Variants in P2RX3 observed in about 807,000 individuals in gnomAD.
P2RX3 encodes purinergic receptor P2X 3, also known as P2X purinoceptor 3.
In P2RX3, 41 loss-of-function variants were observed where a neutral mutation model predicts 51.5. The ratio of observed to expected loss-of-function variants is 0.80; its 90% CI spans 0.62 to 1.03. P2RX3 has a LOEUF of 1.03. P2RX3 is among the 50% of genes least tolerant of loss of function. The pLI, the probability that P2RX3 is intolerant of heterozygous loss-of-function variation, is 0.00. For synonymous variants in P2RX3, 185 were observed against 191.6 expected (o/e 0.97, Z 0.29); for missense variants, 459 against 522.1 (o/e 0.88, Z 1.18).
intron 8 of P2RX3, 138 bp downstream of exon 8, chr11:57,351,036 G>A: frequency 1.6e-6 from 2 of 1,267,250 alleles, no homozygotes; most frequent in Non-Finnish European, 2.2e-6. Context: ...TTCAAATCAG[G>A]AAGGACTCTC....
Position 57,349,826 on chromosome 11 carries a change from T to C in P2RX3, c.633T>C (p.Pro211=). 1.2e-6 allele frequency: 2 copies of C among 1,614,226 alleles called. No individual in the cohort carries two copies. Among genetic ancestry groups the C allele is most frequent in the Non-Finnish European group, 1.7e-6 (2 of 1,180,036 alleles). Residue 211 remains proline (P), a synonymous_variant, in exon 7 of 12, where the codon CCT becomes CCC. Transcript: ENST00000263314. ...GCCGCTTCCACCCGGACAAGGACCCTTTCTGCCCCATCTTGCGGGTAGGGG... is the reference window on the plus strand; with the variant it reads ...GCCGCTTCCACCCGGACAAGGACCCCTTCTGCCCCATCTTGCGGGTAGGGG... ...KTCRFHPDKD[P]FCPILRVGDV...
At chr11:57,365,887 T>C (rs1856789967) in intron 8 of P2RX3, among the ~76,000 whole-genome samples, 1 of 152,202 alleles carries the variant, frequency 6.6e-6, no homozygotes, top group Non-Finnish European at 1.5e-5. Context: ...CATTTCCTTC[T>C]CTCTGTTGTA....
intron 1 of P2RX3, among the ~76,000 whole-genome samples, chr11:57,345,527 C>T (rs966930010): frequency 7.9e-5 from 12 of 152,098 alleles, no homozygotes; most frequent in Admixed American, 1.3e-4. Context: ...ATCTACCTCC[C>T]AGTGTGCCAT....
At chr11:57,350,514 C>T (rs545805221) in intron 7 of P2RX3, 1 of 429,918 alleles carries the variant, frequency 2.3e-6, no homozygotes, top group Admixed American at 3.6e-5. Flanking sequence ...GATCTCCTGA[C>T]CTCGTGATCC....
intron 8 of P2RX3, among the ~76,000 whole-genome samples, chr11:57,356,346 G>A (rs1051505947): frequency 6.6e-6 from 1 of 152,196 alleles, no homozygotes; most frequent in African/African-American, 2.4e-5. Context: ...TGTGATTGAC[G>A]GGAGAGAATC....
At chr11:57,337,350 G>GAAAAAAAA (rs11339711), upstream of P2RX3, among the ~76,000 whole-genome samples, 33 of 73,452 alleles carry the variant, frequency 4.5e-4, no homozygotes, top group Non-Finnish European at 6.4e-4. Flanking sequence ...AGGAAAGAAA[G>GAAAAAAAA]AAAAAAAAAA....
At chr11:57,367,954 C>T (rs916396092) in intron 8 of P2RX3, 55 bp from the exon 9 acceptor site, 1 of 1,426,954 alleles carries the variant, frequency 7.0e-7, no homozygotes, top group African/African-American at 1.4e-5. Flanking sequence ...CCAGAAGGTT[C>T]AGGCAGGAGA....
rs750505910 is a variant in P2RX3, at chr11:57,338,503, G to T, written c.-48G>T. 1.4e-6 allele frequency: 2 copies of T among 1,400,720 alleles called. No homozygotes were observed. The highest frequency in any genetic ancestry group is 2.5e-5 in the South Asian group (2 of 79,490). 86.8% of individuals were successfully genotyped at this position (1,400,720 alleles called of 1,614,324 possible). ...GTCCTGTAGGACCTCCCTCTCCTGAGGCCACCACTGGGCCCCCTTCTGAGT... is the reference window on the plus strand; with the variant it reads ...GTCCTGTAGGACCTCCCTCTCCTGATGCCACCACTGGGCCCCCTTCTGAGT... On this transcript the variant is annotated 5_prime_UTR_variant, in exon 1 of 12. It adds an upstream start codon to the 5' untranslated region. Transcript: ENST00000263314.
chr11:57,347,565 C>T, intron 4 of P2RX3, 87 bp downstream of exon 4: 1 of 1,361,764 alleles, frequency 7.3e-7, no homozygotes, highest in East Asian at 2.5e-5. Flanking sequence ...GGAGTGGGAA[C>T]CAGCCTGTTC....
At chr11:57,355,812 T>C (rs564422354) in intron 8 of P2RX3, among the ~76,000 whole-genome samples, 1 of 152,344 alleles carries the variant, frequency 6.6e-6, no homozygotes, top group African/African-American at 2.4e-5. Context: ...TTTCCAGTTC[T>C]TATTCTATGC....
intron 7 of P2RX3, among the ~76,000 whole-genome samples, chr11:57,350,150 AC>A (rs1856518014): frequency 6.7e-6 from 1 of 150,304 alleles, no homozygotes; most frequent in Non-Finnish European, 1.5e-5. Flanking sequence ...TTCACACTTC[AC>A]CTCAGGCAAA....
chr11:57,358,181 T>C lies in P2RX3; in HGVS notation c.842+7283T>C, dbSNP rs114985298. Among the ~76,000 whole-genome samples the C allele has an allele frequency of 2.7e-3, 416 of 152,330 alleles. 1 individual carries two copies. Among genetic ancestry groups the C allele is most frequent in the African/African-American group, 9.2e-3 (382 of 41,576 alleles). On this transcript the variant is annotated intron_variant, in intron 8 of 11. Coordinates refer to ENST00000263314, the MANE Select transcript of P2RX3 (RefSeq NM_002559.5). ...CAAATGTCAGCTCAGCATGGGGAAG[T>C]ACTTCTAACAGTTAGAGCTATCCAA... is the stretch of plus-strand genomic sequence containing the variant.
At chr11:57,363,728 C>A (rs1202400253) in intron 8 of P2RX3, among the ~76,000 whole-genome samples, 1 of 152,184 alleles carries the variant, frequency 6.6e-6, no homozygotes, top group Non-Finnish European at 1.5e-5. Flanking sequence ...CAGGGGTGGG[C>A]AGATTCTGTG....
In P2RX3 at chr11:57,371,242, AAATT is replaced by A. The variant is rs1856881262; in HGVS notation, c.*1246_*1249del. Among the ~76,000 whole-genome samples, 1 of 152,260 alleles carries A rather than the reference AAATT, an allele frequency of 6.6e-6. No homozygotes were observed. Among genetic ancestry groups the A allele is most frequent in the African/African-American group, 2.4e-5 (1 of 41,480 alleles). On this transcript the variant is annotated 3_prime_UTR_variant, in exon 12 of 12. Coordinates refer to ENST00000263314, the MANE Select transcript of P2RX3 (RefSeq NM_002559.5). ...TCCTCTCCTACAGTGAGAGGCCCAG[AAATT>A]GCCCCAGGGCAGGGCTCTGGGGCAG...
intron 8 of P2RX3, among the ~76,000 whole-genome samples, chr11:57,354,329 A>C (rs1217792360): frequency 6.6e-6 from 1 of 152,174 alleles, no homozygotes; most frequent in African/African-American, 2.4e-5. Flanking sequence ...GCGTGGCTAA[A>C]GACTCCGTGG....
intron 8 of P2RX3, among the ~76,000 whole-genome samples, chr11:57,358,547 C>T (rs2134436016): frequency 6.6e-6 from 1 of 152,298 alleles, no homozygotes; most frequent in Admixed American, 6.5e-5. Context: ...TCAGGCCTTG[C>T]TGTTAATCCT....
At chr11:57,338,925 G>A (rs1856287488) in intron 1 of P2RX3, among the ~76,000 whole-genome samples, 1 of 152,264 alleles carries the variant, frequency 6.6e-6, no homozygotes, top group Non-Finnish European at 1.5e-5. Flanking sequence ...GGAGTAGTAG[G>A]GTCCCTGCCC....
Position 57,338,377 on chromosome 11 carries a change from G to A in P2RX3, c.-174G>A, listed in dbSNP as rs1053197693. 4.1e-6 allele frequency: 2 copies of A among 486,368 alleles called. No homozygotes were observed. The highest frequency in any genetic ancestry group is 1.9e-5 in the African/African-American group (1 of 52,524). The allele number at this position is 486,368 out of a possible 1,614,324, so 30.1% of individuals were successfully genotyped here. On this transcript the variant is annotated 5_prime_UTR_variant, in exon 1 of 12. Transcript: ENST00000263314. ...GGCCTCTTGGAAGCCAGAGTATCAA[G>A]AGCAGAGAATCTCACTAGGATTGCA... is the stretch of plus-strand genomic sequence containing the variant.
chr11:57,359,543 CT>C (rs1299708711), intron 8 of P2RX3, among the ~76,000 whole-genome samples: 1 of 152,232 alleles, frequency 6.6e-6, no homozygotes, highest in Non-Finnish European at 1.5e-5. Flanking sequence ...CTGCTTTCCC[CT>C]TTTCCAGCTC....
Sources: gnomAD v4.1 joint callset for allele counts (sites outside exome capture counted in the v4.1 genomes callset) on GRCh38, gnomAD v4.1.1 for gene constraint, MANE v1.5 for transcripts, NCBI Gene and HGNC (gene_info 2026-07-23, HGNC 2026-07-21) for gene names.